The following DDX27 variants were observed in gnomAD, a reference collection of about 807,000 sequenced individuals.
The protein encoded by DDX27 is probable ATP-dependent RNA helicase DDX27.
A neutral mutation model predicts 99.3 loss-of-function variants in DDX27; 42 were observed. The ratio of observed to expected loss-of-function variants is 0.42; its 90% CI spans 0.33 to 0.55. The LOEUF is 0.55. Among genes scored for constraint, DDX27 ranks in the 20% least tolerant of loss-of-function variants. DDX27 has a pLI of 0.07. For missense variants in DDX27, 798 were observed against 976.8 expected (o/e 0.82, Z 2.44); for synonymous variants, 329 against 353.8 (o/e 0.93, Z 0.79).
intron 19 of DDX27, among the ~76,000 whole-genome samples, chr20:49,243,151 A>G (rs991542059): frequency 6.6e-6 from 1 of 152,180 alleles, no homozygotes; most frequent in Admixed American, 6.5e-5. Context: ...CCCCTCTCAG[A>G]GCCACCTGAG....
rs1181885262 is a variant in DDX27, at chr20:49,233,610, A to T, written c.1174A>T (p.Ile392Leu). The change falls in exon 11 of 21, where the codon ATA (isoleucine) becomes TTA (leucine). Residue 392 changes from isoleucine (I) to leucine (L), a missense_variant. By Grantham distance (5) the Ile-to-Leu change is conservative. Transcript: ENST00000618172. ...TGTCTCCTTGAAGAATCCTGTCCGG[A>T]TATTTGTGAACAGCAACACAGATGT... ...ASVSLKNPVRIFVNSNTDVAP... is the reference protein window; with the variant it reads ...ASVSLKNPVRLFVNSNTDVAP... 1 of 1,613,920 alleles carries T rather than the reference A, an allele frequency of 6.2e-7. No individual in the cohort carries two copies. The highest frequency in any genetic ancestry group is 2.2e-5 in the East Asian group (1 of 44,898).
intron 12 of DDX27, 149 bp downstream of exon 12, chr20:49,235,237 T>A: frequency 1.2e-6 from 1 of 849,546 alleles, no homozygotes; most frequent in Non-Finnish European, 1.7e-6. Context: ...CTAACCACTG[T>A]GAGGTCATGT....
At position 49,230,257 on chromosome 20, in the gene DDX27, C is replaced by T. The variant is rs201351291; in HGVS notation, c.939C>T (p.Ile313=). The T allele has an allele frequency of 3.3e-5, 53 of 1,613,234 alleles. No homozygotes were observed. The highest frequency in any genetic ancestry group is 1.6e-4 in the Middle Eastern group (1 of 6,076). The change falls in exon 9 of 21, where the codon ATC becomes ATT. Residue 313 remains isoleucine, a synonymous_variant. Transcript: ENST00000618172. The part of the protein sequence containing the change: ...AALRAAPDIL[I]ATPGRLIDHL... ...TTCGGGCAGCGCCTGACATCCTCAT[C>T]GCCACCCCAGGCCGGCTCATCGATC...
intron 2 of DDX27, among the ~76,000 whole-genome samples, chr20:49,222,079 C>A (rs1331662756): frequency 6.6e-6 from 1 of 151,996 alleles, no homozygotes; most frequent in Non-Finnish European, 1.5e-5. Flanking sequence ...CTGTCCAGAA[C>A]AGTTTAATCC....
At position 49,233,555 on chromosome 20, in the gene DDX27, TTG is replaced by T; in HGVS notation, c.1132-10_1132-9del. On this transcript the variant is annotated splice_polypyrimidine_tract_variant and intron_variant, in intron 10 of 20. Transcript: ENST00000618172. Reference sequence around the variant, plus strand: ...TGCAGAGAGCTGAGGAAACCTGGCTTTGTGCTTGGCAGGTGAAAGATCTGGCT... The same window carrying T: ...TGCAGAGAGCTGAGGAAACCTGGCTTTGCTTGGCAGGTGAAAGATCTGGCT... 6.2e-7 allele frequency: 1 copy of T among 1,609,324 alleles called. No individual in the cohort carries two copies. The highest frequency in any genetic ancestry group is 1.7e-4 in the Middle Eastern group (1 of 6,048).
At chr20:49,221,627 G>C (rs373775534) in intron 2 of DDX27, 29 bp downstream of exon 2, 1 of 1,555,268 alleles carries the variant, frequency 6.4e-7, no homozygotes, top group Non-Finnish European at 8.7e-7. Flanking sequence ...GACAGCTCCA[G>C]ACTTTGGGCT....
chr20:49,233,488 G>T (rs1194611516), intron 10 of DDX27, 80 bp from the exon 11 acceptor site: 29 of 1,601,930 alleles, frequency 1.8e-5, no homozygotes, highest in Non-Finnish European at 2.4e-5. Context: ...GCTTGAGGGG[G>T]TTTGCCTGGG....
At chr20:49,225,245 G>C in intron 6 of DDX27, 46 bp downstream of exon 6, 1 of 1,461,304 alleles carries the variant, frequency 6.8e-7, no homozygotes, top group Non-Finnish European at 9.6e-7. Context: ...GCATGGTCTT[G>C]CTATGTTGTC....
At chr20:49,223,555 A>C in intron 4 of DDX27, 122 bp downstream of exon 4, 2 of 843,046 alleles carry the variant, frequency 2.4e-6, no homozygotes, top group Non-Finnish European at 1.7e-6. Flanking sequence ...TGCCTACTAC[A>C]TTGAACTCCT....
rs1358815409 is a variant in DDX27 at position 49,232,865 on chromosome 20, G to A, written c.1032-441G>A. ...TGAGGCGGGAGAATCGCTTGAACCC[G>A]GGAGGCCGAGATTGTGCCATTGCAC... On this transcript the variant is annotated intron_variant, in intron 9 of 20. Transcript: ENST00000618172. 25 of 161,538 alleles carry A rather than the reference G, an allele frequency of 1.5e-4. No individual in the cohort carries two copies. In the East Asian group the frequency reaches 4.0e-3, roughly 26 times the overall value. 10.0% of individuals were successfully genotyped at this position (161,538 alleles called of 1,614,324 possible). A position where few individuals can be genotyped will look rare whatever the true frequency, so the allele number is the denominator to read the frequency against.
At chr20:49,232,315 A>G (rs1052322258) in intron 9 of DDX27, among the ~76,000 whole-genome samples, 10 of 152,182 alleles carry the variant, frequency 6.6e-5, no homozygotes, top group African/African-American at 2.4e-4. Flanking sequence ...TGGTTCTTGC[A>G]CTAAAACAAA....
Position 49,230,227 on chromosome 20 carries a change from A to T in DDX27, c.909A>T (p.Ala303=), listed in dbSNP as rs370601466. The T allele has an allele frequency of 2.5e-6, 4 of 1,613,244 alleles. No homozygotes were observed. The highest frequency in any genetic ancestry group is 3.4e-6 in the Non-Finnish European group (4 of 1,179,956). The part of the protein sequence containing the change: ...VGGLDVKSQE[A]ALRAAPDILI... ...GCTTGGATGTGAAGTCTCAGGAAGCAGCTCTTCGGGCAGCGCCTGACATCC... is the reference window on the plus strand; with the variant it reads ...GCTTGGATGTGAAGTCTCAGGAAGCTGCTCTTCGGGCAGCGCCTGACATCC... The change falls in exon 9 of 21, where the codon GCA becomes GCT. Residue 303 remains alanine, a synonymous_variant. Transcript: ENST00000618172.
chr20:49,233,873 G>A (rs1016193592), intron 11 of DDX27, 164 bp downstream of exon 11: 2 of 724,216 alleles, frequency 2.8e-6, no homozygotes, highest in Admixed American at 2.9e-5. Flanking sequence ...TCTTCTCCAC[G>A]GGTCCTTCCT....
At chr20:49,224,914 C>G in intron 4 of DDX27, 31 bp from the exon 5 acceptor site, 1 of 1,613,518 alleles carries the variant, frequency 6.2e-7, no homozygotes, top group Non-Finnish European at 8.5e-7. Context: ...TAAGTCTGAG[C>G]CGTGGTCATC....
intron 8 of DDX27, 29 bp downstream of exon 8, chr20:49,228,917 CCT>C (rs745693757): frequency 6.4e-7 from 1 of 1,553,796 alleles, no homozygotes; most frequent in East Asian, 2.3e-5. Flanking sequence ...GCTGCCAGCC[CCT>C]GAGAGACTGT....
In DDX27 at chr20:49,223,263, C is replaced by T; in HGVS notation, c.301-5C>T. 1 of 1,598,974 alleles carries T rather than the reference C, an allele frequency of 6.3e-7. No individual in the cohort carries two copies. The highest frequency in any genetic ancestry group is 8.5e-7 in the Non-Finnish European group (1 of 1,176,138). Reference sequence around the variant, plus strand: ...TCATCACCCTCACTTTAATTTTTTTCCCAGGATAAAGAAGCCAAGTCTGGG... The same window carrying T: ...TCATCACCCTCACTTTAATTTTTTTTCCAGGATAAAGAAGCCAAGTCTGGG... On this transcript the variant is annotated splice_region_variant and splice_polypyrimidine_tract_variant and intron_variant, in intron 3 of 20. Coordinates refer to ENST00000618172, the MANE Select transcript of DDX27 (RefSeq NM_017895.8).
In DDX27 at chr20:49,236,350, G is replaced by C; in HGVS notation, c.1527G>C (p.Met509Ile). ...EGVKTVINFT[M>I]PNTIKHYVHR... ...CCTTCTAGGTAATCAACTTCACAAT[G>C]CCTAATACCATCAAACATTATGTCC... The change falls in exon 14 of 21, where the codon ATG (methionine) becomes ATC (isoleucine). Residue 509 changes from methionine (M) to isoleucine (I), a missense_variant. Transcript: ENST00000618172. This position sits in a 1 kb window ranked among gnomAD's most constrained non-coding sequence, Gnocchi z 4.1. The C allele has an allele frequency of 2.5e-6, 4 of 1,600,560 alleles. No homozygotes were observed. The highest frequency in any genetic ancestry group is 3.4e-6 in the Non-Finnish European group (4 of 1,172,600).
In DDX27 at chr20:49,243,937, AC is replaced by A. The variant is rs1754153854; in HGVS notation, c.*104del. The stretch of plus-strand genomic sequence containing the variant: ...TTTTCTCCATTTGTTTAAAAAAAAA[AC>A]AAAAACAAAAAACAACACTTTGGTG... On this transcript the variant is annotated 3_prime_UTR_variant, in exon 21 of 21. Transcript: ENST00000618172. The A allele has an allele frequency of 2.1e-6, 3 of 1,410,396 alleles. No homozygotes were observed. Among genetic ancestry groups the A allele is most frequent in the Non-Finnish European group, 9.7e-7 (1 of 1,027,004 alleles). The allele number at this position is 1,410,396 out of a possible 1,614,324, so 87.4% of individuals were successfully genotyped here.
rs140795152 is a variant in DDX27 at position 49,235,338 on chromosome 20, G to A, written c.1427+250G>A. The A allele has an allele frequency of 4.9e-4, 184 of 378,122 alleles. 1 individual carries two copies. Among genetic ancestry groups the A allele is most frequent in the African/African-American group, 3.5e-3 (168 of 48,394 alleles). The allele number at this position is 378,122 out of a possible 1,614,324, so 23.4% of individuals were successfully genotyped here. ...CCTAGCATGGGAGCTGTTGTGTGGC[G>A]TGACAGAGGAAGCTGGCTTGGAAAG... On this transcript the variant is annotated intron_variant, in intron 12 of 20. Coordinates refer to ENST00000618172, the MANE Select transcript of DDX27 (RefSeq NM_017895.8).
Sources: allele counts gnomAD v4.1 joint callset (sites outside exome capture counted in the v4.1 genomes callset), GRCh38; gene constraint gnomAD v4.1.1; non-coding constraint Gnocchi (gnomAD v3.1); transcripts MANE v1.5; gene names NCBI Gene and HGNC (gene_info 2026-07-23, HGNC 2026-07-21).